The following SPHKAP variants were observed in gnomAD, a reference collection of about 807,000 sequenced individuals.
SPHKAP encodes the protein A-kinase anchor protein SPHKAP.
A neutral mutation model predicts 137.5 loss-of-function variants in SPHKAP; 67 were observed. The ratio of observed to expected loss-of-function variants is 0.49; its 90% confidence interval spans 0.40 to 0.60. The LOEUF (loss-of-function observed/expected upper bound fraction) is 0.60, where lower values mean the gene tolerates loss of function less well. Ranked by LOEUF, SPHKAP falls within the 20% of genes least tolerant of loss-of-function variation. The pLI is 0.00. For synonymous variants in SPHKAP, 813 were observed against 785.3 expected (o/e 1.04, Z -0.59); for missense variants, 2,097 against 2,069.3 (o/e 1.01, Z -0.26).
At chr2:228,152,719 C>CTTT (rs36033637) in intron 1 of SPHKAP, among the ~76,000 whole-genome samples, 1 of 144,744 alleles carries the variant, frequency 6.9e-6, no homozygotes, top group South Asian at 2.2e-4. Context: ...GTTATACCTT[C>CTTT]TTTTTTTTTT....
chr2:227,998,163 T>A (rs1277667581), intron 7 of SPHKAP, among the ~76,000 whole-genome samples: 1 of 152,130 alleles, frequency 6.6e-6, no homozygotes, highest in Non-Finnish European at 1.5e-5. Context: ...TGTGTCACCA[T>A]GCCTGGCTAA....
At chr2:227,987,765 C>T (rs1327961306) in intron 11 of SPHKAP, among the ~76,000 whole-genome samples, 1 of 152,134 alleles carries the variant, frequency 6.6e-6, no homozygotes, top group African/African-American at 2.4e-5. Flanking sequence ...ATTATGAATT[C>T]CTGAGACCCT....
In SPHKAP at chr2:228,019,749, C is replaced by T. The variant is rs1484332491; in HGVS notation, c.1105G>A (p.Gly369Arg). Residue 369 changes from glycine (G) to arginine (R), a missense_variant, in exon 7 of 12, where the codon GGA (glycine) becomes AGA (arginine). Transcript: ENST00000392056. ...VAEQRSNLNPGDHEDTRNALP... is the reference protein window; with the variant it reads ...VAEQRSNLNPRDHEDTRNALP... ...GCGTTTCTTGTGTCTTCATGGTCTC[C>T]TGGGTTTAGGTTGCTTCTCTGCTCT... The T allele has an allele frequency of 1.2e-6, 2 of 1,614,058 alleles. No individual in the cohort carries two copies. The highest frequency in any genetic ancestry group is 2.2e-5 in the East Asian group (1 of 44,896).
intron 1 of SPHKAP, among the ~76,000 whole-genome samples, chr2:228,162,806 C>A (rs1424947988): frequency 1.3e-5 from 2 of 152,196 alleles, no homozygotes; most frequent in Non-Finnish European, 2.9e-5. Flanking sequence ...TCAGGTGATT[C>A]TCCTGCCTCA....
At chr2:228,039,033 T>C (rs1487261193) in intron 3 of SPHKAP, among the ~76,000 whole-genome samples, 1 of 152,240 alleles carries the variant, frequency 6.6e-6, no homozygotes, top group African/African-American at 2.4e-5. Context: ...GACAAAATGT[T>C]GAGAATCATA....
intron 3 of SPHKAP, among the ~76,000 whole-genome samples, chr2:228,054,391 C>T (rs1043218595): frequency 6.6e-6 from 1 of 151,886 alleles, no homozygotes; most frequent in African/African-American, 2.4e-5. Flanking sequence ...AGGGTTTGGG[C>T]AAGAGACATT....
chr2:228,107,664 C>T (rs1410389556), intron 3 of SPHKAP, among the ~76,000 whole-genome samples: 1 of 152,114 alleles, frequency 6.6e-6, no homozygotes, highest in African/African-American at 2.4e-5. Flanking sequence ...CTGCTGATAG[C>T]TTTTCCTCTC....
chr2:228,086,623 G>A (rs1206532415), intron 3 of SPHKAP, among the ~76,000 whole-genome samples: 1 of 152,106 alleles, frequency 6.6e-6, no homozygotes, highest in Non-Finnish European at 1.5e-5. Flanking sequence ...TTGCTCGAGG[G>A]AAGAGGTTCC....
intron 3 of SPHKAP, among the ~76,000 whole-genome samples, chr2:228,094,206 C>T (rs73098606): frequency 0.018 from 2,692 of 152,076 alleles, 83 homozygotes; most frequent in African/African-American, 0.06. Context: ...ATATTTGGAG[C>T]GGGGAACCAA....
chr2:228,149,609 C>G (rs970899142), intron 1 of SPHKAP, among the ~76,000 whole-genome samples: 1 of 152,172 alleles, frequency 6.6e-6, no homozygotes, highest in African/African-American at 2.4e-5. Context: ...AAGAGGATCT[C>G]CAATCTAAGC....
At chr2:228,003,246 G>A (rs1232159199) in intron 7 of SPHKAP, among the ~76,000 whole-genome samples, 1 of 152,162 alleles carries the variant, frequency 6.6e-6, no homozygotes, top group Non-Finnish European at 1.5e-5. Context: ...ATTTCGTTGA[G>A]CAGTGGTTTG....
At chr2:228,176,679 C>G (rs1212176862) in intron 1 of SPHKAP, among the ~76,000 whole-genome samples, 1 of 152,190 alleles carries the variant, frequency 6.6e-6, no homozygotes, top group South Asian at 2.1e-4. Flanking sequence ...TTAGACTAGC[C>G]TGACCAACAT....
At position 228,020,155 on chromosome 2, in the gene SPHKAP, A is replaced by G. The variant is rs1293651252; in HGVS notation, c.699T>C (p.Asp233=). The G allele has an allele frequency of 6.3e-7, 1 of 1,590,314 alleles. No homozygotes were observed. The change falls in exon 7 of 12, where the codon GAT becomes GAC. Residue 233 remains aspartate (D), a splice_region_variant and synonymous_variant. Transcript: ENST00000392056. Reference sequence around the variant, plus strand: ...TGGCTGAGACATTTATATTTTCATAATCTAGTGAGGAGAAAATGAGGGGCA... The same window carrying G: ...TGGCTGAGACATTTATATTTTCATAGTCTAGTGAGGAGAAAATGAGGGGCA... ...EESEVDESRN[D]YENINVSANV... is the part of the protein sequence containing the mutation.
intron 4 of SPHKAP, among the ~76,000 whole-genome samples, chr2:228,027,246 G>A (rs1437322902): frequency 6.6e-6 from 1 of 152,216 alleles, no homozygotes; most frequent in African/African-American, 2.4e-5. Context: ...TTAAGGCACT[G>A]ATGGGCAAGA....
intron 3 of SPHKAP, among the ~76,000 whole-genome samples, chr2:228,096,722 G>A (rs1050600253): frequency 1.3e-5 from 2 of 151,826 alleles, no homozygotes; most frequent in Non-Finnish European, 2.9e-5. Flanking sequence ...GGTGCCGTCT[G>A]GAATATGAAA....
chr2:228,080,951 T>C (rs981653670), intron 3 of SPHKAP, among the ~76,000 whole-genome samples: 8 of 151,906 alleles, frequency 5.3e-5, no homozygotes, highest in African/African-American at 1.7e-4. Flanking sequence ...CCTCAAAAAA[T>C]TAAAAATAGA....
At chr2:228,063,162 A>C (rs1330649059) in intron 3 of SPHKAP, among the ~76,000 whole-genome samples, 1 of 144,020 alleles carries the variant, frequency 6.9e-6, no homozygotes, top group Non-Finnish European at 1.5e-5. Flanking sequence ...CTATCTATCT[A>C]TCTATCTATC....
chr2:228,038,475 G>T (rs1467322254), intron 3 of SPHKAP, among the ~76,000 whole-genome samples: 1 of 152,158 alleles, frequency 6.6e-6, no homozygotes, highest in Non-Finnish European at 1.5e-5. Flanking sequence ...ACCTGTCAGT[G>T]GGGAGGCTAG....
Position 227,980,461 on chromosome 2 carries a change from C to G in SPHKAP, c.*1256G>C, listed in dbSNP as rs1019354304. On this transcript the variant is annotated 3_prime_UTR_variant, in exon 12 of 12. Transcript: ENST00000392056. ...GTTATCCAGAAGTCCTTAATAAACA[C>G]CTCTTTGATCAAGAAAATAAAAGTC... 6 of 152,130 alleles carry G rather than the reference C, an allele frequency of 3.9e-5. No homozygotes were observed. Among genetic ancestry groups the G allele is most frequent in the African/African-American group, 1.2e-4 (5 of 41,414 alleles). The allele number at this position is 152,130 out of a possible 1,614,324, so 9.4% of individuals were successfully genotyped here. A position where few individuals can be genotyped will look rare whatever the true frequency, so the allele number is the denominator to read the frequency against.
Sources: gnomAD v4.1 joint callset for allele counts (sites outside exome capture counted in the v4.1 genomes callset) on GRCh38, gnomAD v4.1.1 for gene constraint, MANE v1.5 for transcripts, NCBI Gene and HGNC (gene_info 2026-07-23, HGNC 2026-07-21) for gene names.